The following HOOK3 variants were observed in gnomAD, a reference collection of about 807,000 sequenced individuals.
HOOK3 encodes protein Hook homolog 3.
In HOOK3, 24 loss-of-function variants were observed where a neutral mutation model predicts 116.3. The observed-to-expected ratio is 0.21, with a 90% confidence interval of 0.15 to 0.29. The LOEUF (loss-of-function observed/expected upper bound fraction) is 0.29. Ranked by LOEUF, HOOK3 falls within the 10% of genes least tolerant of loss-of-function variation. The pLI, the probability that HOOK3 is intolerant of heterozygous loss-of-function variation, is 1.00. For synonymous variants in HOOK3, 275 were observed against 283.0 expected (o/e 0.97, Z 0.28); for missense variants, 632 against 830.2 (o/e 0.76, Z 2.93).
Position 42,966,535 on chromosome 8 carries a change from A to C in HOOK3, c.842A>C (p.Glu281Ala), listed in dbSNP as rs1808635931. 6.2e-7 allele frequency: 1 copy of C among 1,614,168 alleles called. No homozygotes were observed. The highest frequency in any genetic ancestry group is 8.5e-7 in the Non-Finnish European group (1 of 1,179,998). Reference protein sequence around the residue: ...RCEELEKEISELRQQNDELTT... With the variant: ...RCEELEKEISALRQQNDELTT... ...GAAGAGTTAGAAAAGGAGATCTCTGAACTTCGGCAACAGAATGATGAACTG... is the reference window on the plus strand; with the variant it reads ...GAAGAGTTAGAAAAGGAGATCTCTGCACTTCGGCAACAGAATGATGAACTG... Residue 281 changes from glutamate (E) to alanine (A), a missense_variant, in exon 10 of 22, where the codon GAA (glutamate) becomes GCA (alanine). By Grantham distance (107) the Glu-to-Ala change is moderately radical (BLOSUM62 -1). Coordinates refer to ENST00000307602, the MANE Select transcript of HOOK3 (RefSeq NM_032410.4).
intron 17 of HOOK3, among the ~76,000 whole-genome samples, chr8:43,005,994 CTATTTATT>C (rs541185195): frequency 4.0e-4 from 59 of 148,238 alleles, no homozygotes; most frequent in Middle Eastern, 3.6e-3. Flanking sequence ...CGCACCTGGT[CTATTTATT>C]TATTTATTTA....
At position 42,992,507 on chromosome 8, in the gene HOOK3, G is replaced by A. The variant is rs1362220982; in HGVS notation, c.1533-5043G>A. 8.0e-5 allele frequency among the ~76,000 whole-genome samples: 12 copies of A among 150,658 alleles called. No individual in the cohort carries two copies. The South Asian group carries it at 1.0e-3, about 13-fold the overall frequency. ...CTGAGGCGGGCGGATCACAAGGTCA[G>A]GAGATTGAGACCATCCTGGCCAACA... On this transcript the variant is annotated intron_variant, in intron 15 of 21. Coordinates refer to ENST00000307602, the MANE Select transcript of HOOK3 (RefSeq NM_032410.4).
intron 3 of HOOK3, among the ~76,000 whole-genome samples, chr8:42,927,412 A>T (rs948684487): frequency 6.6e-6 from 1 of 151,852 alleles, no homozygotes; most frequent in Non-Finnish European, 1.5e-5. Flanking sequence ...GCACGCCATG[A>T]TGCCTGGCTA....
intron 4 of HOOK3, among the ~76,000 whole-genome samples, chr8:42,940,226 T>TC (rs1808080991): frequency 6.6e-6 from 1 of 152,186 alleles, no homozygotes; most frequent in South Asian, 2.1e-4. Context: ...CCGTCTGCAA[T>TC]CCCGGCACCT....
intron 1 of HOOK3, among the ~76,000 whole-genome samples, chr8:42,899,474 C>G (rs964524728): frequency 3.3e-4 from 50 of 152,256 alleles, no homozygotes; most frequent in African/African-American, 1.1e-3. Flanking sequence ...AGTTTAAATG[C>G]TGGGTTTGTT....
chr8:43,011,798 G>A (rs1809617500), intron 19 of HOOK3, among the ~76,000 whole-genome samples: 1 of 152,178 alleles, frequency 6.6e-6, no homozygotes, highest in Admixed American at 6.6e-5. Context: ...AAAATCACTT[G>A]AGCCCTGTGG....
At chr8:42,973,437 G>C (rs748225552) in intron 12 of HOOK3, 38 bp downstream of exon 12, 29 of 1,348,484 alleles carry the variant, frequency 2.2e-5, no homozygotes, top group Admixed American at 4.3e-5. Context: ...TTTGAGCACT[G>C]CTAAAATTAA....
intron 2 of HOOK3, among the ~76,000 whole-genome samples, chr8:42,910,377 G>C (rs1807400153): frequency 6.6e-6 from 1 of 151,430 alleles, no homozygotes; most frequent in Non-Finnish European, 1.5e-5. Flanking sequence ...CTTTTGTTGA[G>C]ATATGTCACA....
At chr8:42,946,093 A>G (rs1279408633) in intron 5 of HOOK3, among the ~76,000 whole-genome samples, 3 of 152,212 alleles carry the variant, frequency 2.0e-5, no homozygotes, top group Non-Finnish European at 2.9e-5. Context: ...TTTCTCTTCT[A>G]TATTCAATTT....
chr8:42,914,933 A>G (rs1054808080), intron 2 of HOOK3, among the ~76,000 whole-genome samples: 6 of 152,190 alleles, frequency 3.9e-5, no homozygotes, highest in African/African-American at 9.7e-5. Flanking sequence ...CCTGGCTAAC[A>G]TGGGAACCTG....
chr8:42,985,596 T>C (rs979261522), intron 14 of HOOK3, among the ~76,000 whole-genome samples: 1 of 152,150 alleles, frequency 6.6e-6, no homozygotes, highest in Non-Finnish European at 1.5e-5. Flanking sequence ...CCGTACAATG[T>C]ATGTGTTTAC....
chr8:43,005,127 C>T (rs886765909), intron 17 of HOOK3, among the ~76,000 whole-genome samples: 7 of 147,062 alleles, frequency 4.8e-5, no homozygotes, highest in African/African-American at 1.8e-4. Context: ...AGATGCAAGT[C>T]AGAATAATAC....
chr8:42,941,664 A>G (rs1004733523), intron 4 of HOOK3, among the ~76,000 whole-genome samples: 10 of 152,006 alleles, frequency 6.6e-5, no homozygotes, highest in Non-Finnish European at 1.2e-4. Context: ...CATTTAATTC[A>G]ATTTGTTTTC....
chr8:42,919,527 T>A (rs1586590914), intron 2 of HOOK3, among the ~76,000 whole-genome samples: 1 of 149,292 alleles, frequency 6.7e-6, no homozygotes, highest in Non-Finnish European at 1.5e-5. Flanking sequence ...CGCTCCTCAC[T>A]TCCTAGACGG....
rs1013911879 is a variant in HOOK3, at chr8:43,025,444, A to T, written c.*6946A>T. 1 of 213,726 alleles carries T rather than the reference A, an allele frequency of 4.7e-6. No homozygotes were observed. Among genetic ancestry groups the T allele is most frequent in the African/African-American group, 2.3e-5 (1 of 44,282 alleles). 13.2% of individuals were successfully genotyped at this position (213,726 alleles called of 1,614,324 possible). On this transcript the variant is annotated 3_prime_UTR_variant, in exon 22 of 22. Transcript: ENST00000307602. Reference sequence around the variant, plus strand: ...GCAGAGGGAAGTCCTAATACAATGAAAACTTGCATTATCTAAACAGATGTT... The same window carrying T: ...GCAGAGGGAAGTCCTAATACAATGATAACTTGCATTATCTAAACAGATGTT...
intron 6 of HOOK3, among the ~76,000 whole-genome samples, chr8:42,952,899 A>AGGAAC (rs1410303884): frequency 1.3e-5 from 2 of 152,314 alleles, no homozygotes; most frequent in South Asian, 4.1e-4. Context: ...TATAGTCATC[A>AGGAAC]GGAACCCAAC....
chr8:42,961,848 G>A (rs1368693308), intron 8 of HOOK3, among the ~76,000 whole-genome samples: 1 of 152,050 alleles, frequency 6.6e-6, no homozygotes, highest in Admixed American at 6.6e-5. Context: ...GTGCAGTGGT[G>A]CAATCTTGGC....
intron 2 of HOOK3, among the ~76,000 whole-genome samples, chr8:42,925,040 A>C (rs945449545): frequency 5.9e-5 from 9 of 151,700 alleles, no homozygotes; most frequent in Non-Finnish European, 1.3e-4. Context: ...ACTTCTAGAA[A>C]ATCTGCAATT....
At chr8:42,929,656 A>G (rs556548542) in intron 3 of HOOK3, among the ~76,000 whole-genome samples, 1 of 152,276 alleles carries the variant, frequency 6.6e-6, no homozygotes, top group Middle Eastern at 3.4e-3. Context: ...GAATTTAGAG[A>G]CATTATACTT....
Sources: gnomAD v4.1 joint callset for allele counts (sites outside exome capture counted in the v4.1 genomes callset) on GRCh38, gnomAD v4.1.1 for gene constraint, MANE v1.5 for transcripts, NCBI Gene and HGNC (gene_info 2026-07-23, HGNC 2026-07-21) for gene names.